ILDR1: variants seen among roughly 807,000 people sequenced by gnomAD.
ILDR1 encodes the protein immunoglobulin like domain containing receptor 1.
In ILDR1, 56 loss-of-function variants were observed where a neutral mutation model predicts 62.4. That is an observed-to-expected ratio of 0.90 (90% CI 0.72 to 1.12). The LOEUF (loss-of-function observed/expected upper bound fraction) is 1.12. Among genes scored for constraint, ILDR1 ranks in the 50% most tolerant of loss-of-function variants. The probability of loss-of-function intolerance (pLI) is 0.00; values close to 1 mark genes in which losing one functional copy is unlikely to be tolerated. For synonymous variants in ILDR1, 284 were observed against 277.8 expected (o/e 1.02, Z -0.22); for missense variants, 736 against 710.6 (o/e 1.04, Z -0.41).
chr3:121,993,067 C>G, intron 7 of ILDR1, 83 bp downstream of exon 7: 1 of 1,136,450 alleles, frequency 8.8e-7, no homozygotes, highest in Non-Finnish European at 1.3e-6. Flanking sequence ...GAATGAGAGG[C>G]AGCCTGTGTT....
chr3:122,041,248 G>A, the ILDR1 span, among the ~76,000 whole-genome samples: 1 of 152,210 alleles, frequency 6.6e-6, no homozygotes, highest in Non-Finnish European at 1.5e-5. Context: ...TTTAGGTCAT[G>A]AGGACTCCCT....
the ILDR1 span, among the ~76,000 whole-genome samples, chr3:122,061,515 A>G: frequency 1.3e-5 from 2 of 152,206 alleles, no homozygotes; most frequent in Non-Finnish European, 2.9e-5. Context: ...ATTAGACAGT[A>G]AAACAAACAA....
intron 1 of ILDR1, among the ~76,000 whole-genome samples, chr3:122,015,160 T>C (rs776919591): frequency 7.2e-5 from 11 of 152,332 alleles, no homozygotes; most frequent in Middle Eastern, 3.4e-3. Context: ...TACGAGAGCA[T>C]TGAATATTAA....
chr3:122,041,447 C>T, the ILDR1 span, among the ~76,000 whole-genome samples: 5 of 152,186 alleles, frequency 3.3e-5, no homozygotes, highest in Non-Finnish European at 7.3e-5. Context: ...TGTTATTGGA[C>T]TTCCCAGCAT....
chr3:122,046,673 C>T, the ILDR1 span, among the ~76,000 whole-genome samples: 1 of 149,746 alleles, frequency 6.7e-6, no homozygotes, highest in Non-Finnish European at 1.5e-5. Flanking sequence ...TTCATTTCAT[C>T]TTCCATTGCT....
At chr3:122,008,656 C>T (rs1247654278) in intron 1 of ILDR1, among the ~76,000 whole-genome samples, 1 of 146,896 alleles carries the variant, frequency 6.8e-6, no homozygotes, top group Non-Finnish European at 1.5e-5. Context: ...TGCAATGGCA[C>T]GATCTCAGCT....
At chr3:122,028,167 A>T in the ILDR1 span, among the ~76,000 whole-genome samples, 1 of 148,158 alleles carries the variant, frequency 6.7e-6, no homozygotes, top group African/African-American at 2.6e-5. Flanking sequence ...CTCTACTAAA[A>T]ATACGGAAAA....
chr3:122,016,503 C>A (rs1576735819), intron 1 of ILDR1, among the ~76,000 whole-genome samples: 1 of 152,018 alleles, frequency 6.6e-6, no homozygotes, highest in African/African-American at 2.4e-5. Context: ...CCTAAAAGTT[C>A]AAAAAAATGG....
the ILDR1 span, among the ~76,000 whole-genome samples, chr3:122,032,569 A>G: frequency 0.036 from 5,446 of 152,278 alleles, 188 homozygotes; most frequent in African/African-American, 0.091. Context: ...CTCCCTTGAA[A>G]AGGAGGAGAC....
intron 1 of ILDR1, among the ~76,000 whole-genome samples, chr3:122,016,373 G>C (rs2071777026): frequency 1.3e-5 from 2 of 152,238 alleles, no homozygotes; most frequent in African/African-American, 4.8e-5. Flanking sequence ...CCAGGGCCAT[G>C]ATGGCTTTTG....
At chr3:121,994,460 G>C (rs1046506092) in intron 5 of ILDR1, 147 bp from the exon 6 acceptor site, 10 of 890,778 alleles carry the variant, frequency 1.1e-5, no homozygotes, top group Non-Finnish European at 1.4e-5. Flanking sequence ...GGGTTAAGGG[G>C]GTAGTAAATT....
At chr3:122,041,119 T>C in the ILDR1 span, among the ~76,000 whole-genome samples, 1 of 152,182 alleles carries the variant, frequency 6.6e-6, no homozygotes, top group Non-Finnish European at 1.5e-5. Context: ...ACAGACACCT[T>C]ACCAAAGAAG....
Position 122,005,389 on chromosome 3 carries a change from G to T in ILDR1, c.234C>A (p.Tyr78Ter). 1 of 1,614,152 alleles carries T rather than the reference G, an allele frequency of 6.2e-7. No homozygotes were observed. The highest frequency in any genetic ancestry group is 1.1e-5 in the South Asian group (1 of 91,082). ...DPIFDYYSAS[Y>*]QAALSLGQDP... ...CCTGGCCCAGGGATAAAGCTGCCTG[G>T]TATGCTGAGGAGAGAGGGCACACTA... Residue 78 changes from tyrosine (Y) to a stop codon, truncating the protein, a stop_gained, in exon 3 of 8, where the codon TAC (tyrosine) becomes TAA (stop). Coordinates refer to ENST00000344209, the MANE Select transcript of ILDR1 (RefSeq NM_001199799.2). LOFTEE classifies it high-confidence loss of function.
intron 4 of ILDR1, 21 bp from the exon 5 acceptor site, chr3:122,001,475 A>C: frequency 6.2e-7 from 1 of 1,613,866 alleles, no homozygotes; most frequent in South Asian, 1.1e-5. Context: ...GAAGCCAAGC[A>C]GGGGTTGAAC....
chr3:122,024,574 T>G (rs537387445), upstream of ILDR1, among the ~76,000 whole-genome samples: 2 of 152,356 alleles, frequency 1.3e-5, no homozygotes, highest in South Asian at 4.1e-4. Context: ...CTCTGTCTAC[T>G]GTGTGCATCT....
At chr3:122,042,986 T>C in the ILDR1 span, among the ~76,000 whole-genome samples, 1 of 148,818 alleles carries the variant, frequency 6.7e-6, no homozygotes, top group Non-Finnish European at 1.5e-5. Flanking sequence ...ATGAAGTCCT[T>C]GCCCATGCCT....
upstream of ILDR1, among the ~76,000 whole-genome samples, chr3:122,026,205 T>A (rs959263679): frequency 6.6e-6 from 1 of 152,174 alleles, no homozygotes; most frequent in East Asian, 1.9e-4. Flanking sequence ...CGGAGAGGCA[T>A]AATGAGAATT....
chr3:122,036,027 T>C, the ILDR1 span, among the ~76,000 whole-genome samples: 1 of 152,164 alleles, frequency 6.6e-6, no homozygotes, highest in Admixed American at 6.5e-5. Flanking sequence ...CAATGAAGTC[T>C]AGGCTGAGGT....
At chr3:122,045,213 T>C in the ILDR1 span, among the ~76,000 whole-genome samples, 1 of 150,148 alleles carries the variant, frequency 6.7e-6, no homozygotes, top group Non-Finnish European at 1.5e-5. Context: ...TCAGTTTCCA[T>C]GTAGTTGAGC....
Sources: gnomAD v4.1 joint callset for allele counts (sites outside exome capture counted in the v4.1 genomes callset) on GRCh38, gnomAD v4.1.1 for gene constraint, MANE v1.5 for transcripts, NCBI Gene and HGNC (gene_info 2026-07-23, HGNC 2026-07-21) for gene names.